DLGAP1: variants seen among roughly 807,000 people sequenced by gnomAD.
The protein encoded by DLGAP1 is disks large-associated protein 1.
Under a neutral mutation model 90.8 loss-of-function variants are expected in DLGAP1, and 11 were observed. That is an observed-to-expected ratio of 0.12 (90% CI 0.08 to 0.20). The LOEUF (loss-of-function observed/expected upper bound fraction) is 0.20, where lower values mean the gene tolerates loss of function less well. Among genes scored for constraint, DLGAP1 ranks in the 10% least tolerant of loss-of-function variants. DLGAP1 has a pLI of 1.00. For synonymous variants in DLGAP1, 558 were observed against 540.7 expected (o/e 1.03, Z -0.44); for missense variants, 1,050 against 1,333.8 (o/e 0.79, Z 3.31).
At chr18:4,325,198 C>T (rs912885798) in intron 1 of DLGAP1, among the ~76,000 whole-genome samples, 6 of 152,174 alleles carry the variant, frequency 3.9e-5, no homozygotes, top group South Asian at 4.1e-4. Flanking sequence ...AAAAATCACT[C>T]GCATTCCTAT....
chr18:3,814,410 G>C (rs1428549189), intron 4 of DLGAP1, 137 bp from the exon 5 acceptor site: 11 of 779,070 alleles, frequency 1.4e-5, no homozygotes, highest in Non-Finnish European at 1.7e-5. Flanking sequence ...CGCCCAGACT[G>C]GAGTGCAGTG....
chr18:4,400,102 T>G (rs2082522911), intron 1 of DLGAP1, among the ~76,000 whole-genome samples: 1 of 152,090 alleles, frequency 6.6e-6, no homozygotes, highest in Non-Finnish European at 1.5e-5. Context: ...GGCATCCACC[T>G]GCACCACATC....
In DLGAP1 at chr18:3,591,154, A is replaced by ACT. The variant is rs1229975145; in HGVS notation, c.1592-8907_1592-8906insAG. ...GAAAAGAACATTTGCAAATCCAGGG[A>ACT]ACAGGGCAGAGGTAGTACAAGTGAG... On this transcript the variant is annotated intron_variant, in intron 7 of 12. Coordinates refer to ENST00000315677, the MANE Select transcript of DLGAP1 (RefSeq NM_004746.4). 1.3e-3 allele frequency among the ~76,000 whole-genome samples: 196 copies of ACT among 152,308 alleles called. 1 individual carries two copies. Among genetic ancestry groups the ACT allele is most frequent in the Non-Finnish European group, 2.1e-3 (145 of 68,034 alleles).
rs561183636 is a variant in DLGAP1, at chr18:3,619,624, T to C, written c.1592-37376A>G. Among the ~76,000 whole-genome samples, 347 of 152,246 alleles carry C rather than the reference T, an allele frequency of 2.3e-3. 1 individual carries two copies. The highest frequency in any genetic ancestry group is 6.7e-3 in the African/African-American group (277 of 41,548). ...CTCTTCTTCCAGTCTCTTTGACTTT[T>C]CCCACCACCCCGTCCTGCGACACTG... is the stretch of plus-strand genomic sequence containing the variant. On this transcript the variant is annotated intron_variant, in intron 7 of 12. Transcript: ENST00000315677.
intron 1 of DLGAP1, among the ~76,000 whole-genome samples, chr18:4,303,305 G>A (rs903565319): frequency 6.6e-6 from 1 of 152,130 alleles, no homozygotes; most frequent in South Asian, 2.1e-4. Flanking sequence ...TGGGAGACCA[G>A]GTTAATGTGG....
At chr18:4,437,379 G>T (rs11081115) in intron 1 of DLGAP1, among the ~76,000 whole-genome samples, 67,749 of 152,010 alleles carry the variant, frequency 0.45, 15,282 homozygotes, top group African/African-American at 0.47. Context: ...CCATAAGGGA[G>T]TAGTTCTAGG....
chr18:3,525,631 C>T (rs901633962), intron 10 of DLGAP1, among the ~76,000 whole-genome samples: 10 of 152,196 alleles, frequency 6.6e-5, no homozygotes, highest in African/African-American at 2.4e-4. Flanking sequence ...CAACTCCTGA[C>T]CTCGTGATCT....
At chr18:3,612,302 G>A (rs146353157) in intron 7 of DLGAP1, among the ~76,000 whole-genome samples, 61 of 152,288 alleles carry the variant, frequency 4.0e-4, no homozygotes, top group African/African-American at 1.4e-3. Context: ...CTAAAATGAG[G>A]ATAAGAATGA....
chr18:3,792,398 C>T (rs2065779318), intron 5 of DLGAP1, among the ~76,000 whole-genome samples: 1 of 151,972 alleles, frequency 6.6e-6, no homozygotes, highest in South Asian at 2.1e-4. Context: ...AGGAGAACTG[C>T]TTGAACCCAG....
rs567001182 is a variant in DLGAP1, at chr18:4,444,747, G to GA, written c.-267+10258dup. Among the ~76,000 whole-genome samples, 52 of 151,940 alleles carry GA rather than the reference G, an allele frequency of 3.4e-4. 1 individual carries two copies. The highest frequency in any genetic ancestry group is 3.3e-3 in the South Asian group (16 of 4,808). On this transcript the variant is annotated intron_variant, in intron 1 of 12. Transcript: ENST00000315677. Reference sequence around the variant, plus strand: ...GATGGTTGGCAGATCGGTTTTTGCAGAAAAAAAATATACAGTATGGTTAAT... The same window carrying GA: ...GATGGTTGGCAGATCGGTTTTTGCAGAAAAAAAAATATACAGTATGGTTAAT...
chr18:4,453,975 C>T (rs1343874851), intron 1 of DLGAP1, among the ~76,000 whole-genome samples: 1 of 152,180 alleles, frequency 6.6e-6, no homozygotes, highest in Non-Finnish European at 1.5e-5. Flanking sequence ...AATTCCGCAG[C>T]GCTACGGTCG....
At chr18:3,594,960 C>G (rs1163330790) in intron 7 of DLGAP1, among the ~76,000 whole-genome samples, 1 of 152,212 alleles carries the variant, frequency 6.6e-6, no homozygotes, top group Non-Finnish European at 1.5e-5. Flanking sequence ...CTTAGGATTT[C>G]CAGACTGCAG....
At chr18:4,099,707 T>TA (rs1340287752) in intron 2 of DLGAP1, among the ~76,000 whole-genome samples, 1 of 150,672 alleles carries the variant, frequency 6.6e-6, no homozygotes, top group Non-Finnish European at 1.5e-5. Context: ...TTTTACTTTT[T>TA]TTTTTTTTTT....
At chr18:3,535,072 C>CTGTGTGTGTGTG (rs111975324) in intron 9 of DLGAP1, among the ~76,000 whole-genome samples, 8 of 144,756 alleles carry the variant, frequency 5.5e-5, no homozygotes, top group African/African-American at 1.8e-4. Flanking sequence ...TCAATCTTCT[C>CTGTGTGTGTGTG]TGTGTGTGTG....
chr18:3,723,990 G>C (rs2062067517), intron 7 of DLGAP1, among the ~76,000 whole-genome samples: 1 of 152,192 alleles, frequency 6.6e-6, no homozygotes, highest in Non-Finnish European at 1.5e-5. Flanking sequence ...GAGGAGAACA[G>C]TTCAACTCCA....
chr18:4,164,460 A>C (rs2076899489), intron 1 of DLGAP1, among the ~76,000 whole-genome samples: 1 of 152,060 alleles, frequency 6.6e-6, no homozygotes, highest in Non-Finnish European at 1.5e-5. Flanking sequence ...ATGGGTGATC[A>C]CCTGAGGTCA....
At chr18:4,437,914 G>T (rs1207132256) in intron 1 of DLGAP1, among the ~76,000 whole-genome samples, 2 of 152,052 alleles carry the variant, frequency 1.3e-5, no homozygotes, top group East Asian at 3.9e-4. Flanking sequence ...TGGTTTAAAA[G>T]ATTTTATGTG....
At chr18:4,231,349 G>A (rs1363518714) in intron 1 of DLGAP1, among the ~76,000 whole-genome samples, 1 of 152,106 alleles carries the variant, frequency 6.6e-6, no homozygotes, top group African/African-American at 2.4e-5. Flanking sequence ...GCCCTGCTCT[G>A]GAAGCCTGGG....
chr18:4,420,046 A>G lies in DLGAP1; in HGVS notation c.-267+34960T>C, dbSNP rs549324326. Among the ~76,000 whole-genome samples the G allele has an allele frequency of 5.9e-5, 9 of 152,298 alleles. No individual in the cohort carries two copies. The South Asian group carries it at 1.9e-3, about 32-fold the overall frequency. ...CTAACCCAAGAAAGCAAGGGTAGCTATGCTAATAGGTAAAGTAGACTTCAG... is the reference window on the plus strand; with the variant it reads ...CTAACCCAAGAAAGCAAGGGTAGCTGTGCTAATAGGTAAAGTAGACTTCAG... On this transcript the variant is annotated intron_variant, in intron 1 of 12. Coordinates refer to ENST00000315677, the MANE Select transcript of DLGAP1 (RefSeq NM_004746.4).
Sources: gnomAD v4.1 joint callset for allele counts (sites outside exome capture counted in the v4.1 genomes callset) on GRCh38, gnomAD v4.1.1 for gene constraint, MANE v1.5 for transcripts, NCBI Gene and HGNC (gene_info 2026-07-23, HGNC 2026-07-21) for gene names.